SHC4: variants seen among roughly 807,000 people sequenced by gnomAD.
SHC4 encodes the protein SHC-transforming protein 4.
In SHC4, 41 loss-of-function variants were observed where a neutral mutation model predicts 69.4. The observed-to-expected ratio is 0.59, with a 90% CI of 0.46 to 0.77. The LOEUF (loss-of-function observed/expected upper bound fraction) is 0.77. SHC4 is among the 30% of genes least tolerant of loss of function. SHC4 has a pLI of 0.00. For missense variants in SHC4, 777 were observed against 783.8 expected (o/e 0.99, Z 0.10); for synonymous variants, 318 against 299.3 (o/e 1.06, Z -0.64).
At chr15:48,945,289 T>C (rs568811296) in intron 1 of SHC4, among the ~76,000 whole-genome samples, 14 of 151,774 alleles carry the variant, frequency 9.2e-5, no homozygotes, top group Non-Finnish European at 1.6e-4. Flanking sequence ...TTGCATTCCA[T>C]GACTGTTAGA....
chr15:48,944,967 C>G (rs1470816417), intron 1 of SHC4, among the ~76,000 whole-genome samples: 1 of 152,052 alleles, frequency 6.6e-6, no homozygotes, highest in Non-Finnish European at 1.5e-5. Context: ...AAATATGCAC[C>G]CAAAAACATC....
chr15:48,828,710 T>C (rs1044324001), intron 11 of SHC4, among the ~76,000 whole-genome samples: 18 of 152,328 alleles, frequency 1.2e-4, no homozygotes, highest in Admixed American at 5.9e-4. Flanking sequence ...TTAACAAGTG[T>C]GAGGTATTAT....
chr15:48,877,711 A>C, intron 4 of SHC4: 1 of 325,048 alleles, frequency 3.1e-6, no homozygotes, highest in Non-Finnish European at 4.4e-6. Flanking sequence ...AAAAGGACAA[A>C]ATGGATTAGT....
intron 1 of SHC4, among the ~76,000 whole-genome samples, chr15:48,945,286 C>A (rs954326937): frequency 6.6e-6 from 1 of 151,920 alleles, no homozygotes; most frequent in Non-Finnish European, 1.5e-5. Flanking sequence ...CCATTGCATT[C>A]CATGACTGTT....
chr15:48,896,347 G>A (rs1463144230), intron 2 of SHC4, among the ~76,000 whole-genome samples: 1 of 136,088 alleles, frequency 7.3e-6, no homozygotes, highest in African/African-American at 2.8e-5. Flanking sequence ...TTGAGACGGA[G>A]TCTCACTCTG....
At chr15:48,926,545 C>T (rs147084315) in intron 1 of SHC4, among the ~76,000 whole-genome samples, 16,413 of 151,884 alleles carry the variant, frequency 0.11, 993 homozygotes, top group Middle Eastern at 0.16. Context: ...TCACTGCAAC[C>T]GCTGCCTCCC....
chr15:48,955,981 T>C lies in SHC4; in HGVS notation c.585+6450A>G, dbSNP rs370496843. Among the ~76,000 whole-genome samples the C allele has an allele frequency of 1.4e-4, 21 of 152,154 alleles. 1 individual carries two copies. Among genetic ancestry groups the C allele is most frequent in the East Asian group, 1.2e-3 (6 of 5,200 alleles). On this transcript the variant is annotated intron_variant, in intron 1 of 11. Transcript: ENST00000332408. ...GTGGACTCACTGATCTCTAAGACTC[T>C]TGCAGTTAAGGCTCTAGTGTCCAGG...
At chr15:48,944,075 T>C in intron 1 of SHC4, among the ~76,000 whole-genome samples, 1 of 152,132 alleles carries the variant, frequency 6.6e-6, no homozygotes. Context: ...TTATGTCTTC[T>C]TCAGAAAAAG....
At chr15:48,830,469 A>C (rs766536315) in intron 11 of SHC4, among the ~76,000 whole-genome samples, 1 of 152,250 alleles carries the variant, frequency 6.6e-6, no homozygotes, top group Non-Finnish European at 1.5e-5. Context: ...TGATCCCATA[A>C]GCTTATAATG....
chr15:48,899,577 CCACTGTT>C (rs1440874396), intron 2 of SHC4, among the ~76,000 whole-genome samples: 5 of 151,866 alleles, frequency 3.3e-5, no homozygotes, highest in African/African-American at 1.2e-4. Flanking sequence ...ATTACTTCTA[CCACTGTT>C]TTTTTTTTTA....
intron 1 of SHC4, among the ~76,000 whole-genome samples, chr15:48,937,156 C>T (rs1249560028): frequency 3.3e-5 from 5 of 152,162 alleles, no homozygotes; most frequent in African/African-American, 7.2e-5. Context: ...TCTGTTTAGT[C>T]GCAAAAGTAT....
At chr15:48,960,204 ACTC>A (rs1198773215) in intron 1 of SHC4, among the ~76,000 whole-genome samples, 1 of 152,132 alleles carries the variant, frequency 6.6e-6, no homozygotes, top group Non-Finnish European at 1.5e-5. Context: ...CAGAGGAGGC[ACTC>A]CCTAGGGAAA....
intron 1 of SHC4, among the ~76,000 whole-genome samples, chr15:48,934,784 G>A (rs942001353): frequency 1.3e-5 from 2 of 152,172 alleles, no homozygotes; most frequent in African/African-American, 4.8e-5. Context: ...ATCAAGTATT[G>A]ATACATGCTG....
At chr15:48,851,361 C>G in intron 8 of SHC4, 113 bp from the exon 9 acceptor site, 1 of 1,000,990 alleles carries the variant, frequency 1.0e-6, no homozygotes, top group African/African-American at 1.6e-5. Flanking sequence ...CTTTCTGACA[C>G]AGGAAATGTT....
At chr15:48,934,255 C>T (rs969031325) in intron 1 of SHC4, among the ~76,000 whole-genome samples, 2 of 151,772 alleles carry the variant, frequency 1.3e-5, no homozygotes, top group Non-Finnish European at 2.9e-5. Context: ...GACAAATAAC[C>T]CAATTTAAAA....
At chr15:48,868,907 T>C (rs1188432998) in intron 5 of SHC4, among the ~76,000 whole-genome samples, 2 of 152,238 alleles carry the variant, frequency 1.3e-5, no homozygotes, top group Non-Finnish European at 2.9e-5. Flanking sequence ...TTGTTTTATA[T>C]GAATTTAGAA....
At chr15:48,857,577 T>A in intron 7 of SHC4, 115 bp downstream of exon 7, 2 of 944,718 alleles carry the variant, frequency 2.1e-6, no homozygotes, top group Admixed American at 6.6e-5. Context: ...ACTAATTTTA[T>A]TAGTTCATTT....
chr15:48,956,865 A>AGG (rs35429986), intron 1 of SHC4, among the ~76,000 whole-genome samples: 4 of 152,316 alleles, frequency 2.6e-5, no homozygotes, highest in East Asian at 3.9e-4. Context: ...CCTAATAATA[A>AGG]GGGGTTTCAA....
At chr15:48,961,994 G>A (rs1490221020) in intron 1 of SHC4, among the ~76,000 whole-genome samples, 1 of 152,218 alleles carries the variant, frequency 6.6e-6, no homozygotes, top group Non-Finnish European at 1.5e-5. Context: ...TACACACCAT[G>A]TGTTTCTACA....
Sources: allele counts gnomAD v4.1 joint callset (sites outside exome capture counted in the v4.1 genomes callset), GRCh38; gene constraint gnomAD v4.1.1; transcripts MANE v1.5; gene names NCBI Gene and HGNC (gene_info 2026-07-23, HGNC 2026-07-21).